TMEM71: variants seen among roughly 807,000 people sequenced by gnomAD.
The protein encoded by TMEM71 is transmembrane protein 71.
In TMEM71, 44 loss-of-function variants were observed where a neutral mutation model predicts 38.0. The observed-to-expected ratio is 1.16, with a 90% CI of 0.91 to 1.49. The LOEUF is 1.49. Ranked by LOEUF, TMEM71 falls within the 40% of genes most tolerant of loss-of-function variation. The pLI, the probability that TMEM71 is intolerant of heterozygous loss-of-function variation, is 0.00. For synonymous variants in TMEM71, 133 were observed against 122.5 expected, an observed-to-expected ratio of 1.09 and a Z score of -0.56; for missense variants, 367 against 348.6, an observed-to-expected ratio of 1.05 and a Z score of -0.42.
intron 9 of TMEM71, among the ~76,000 whole-genome samples, chr8:132,713,434 C>T (rs1266032181): frequency 6.6e-6 from 1 of 152,116 alleles, no homozygotes; most frequent in Admixed American, 6.5e-5. Context: ...GTGAGTTTGC[C>T]TCTGGCAGCC....
In TMEM71 at chr8:132,741,540, G is replaced by T. The variant is rs933287847; in HGVS notation, c.487+5402C>A. Among the ~76,000 whole-genome samples the T allele has an allele frequency of 9.3e-5, 14 of 150,460 alleles. 1 individual carries two copies. Among genetic ancestry groups the T allele is most frequent in the Admixed American group, 8.0e-4 (12 of 15,062 alleles). On this transcript the variant is annotated intron_variant, in intron 5 of 9. Transcript: ENST00000677595. ...AGAGTGTGAGTCATCTCCAATGATAGGTAAGGTCACGTGGGTCACGTGTCC... is the reference window on the plus strand; with the variant it reads ...AGAGTGTGAGTCATCTCCAATGATATGTAAGGTCACGTGGGTCACGTGTCC...
intron 7 of TMEM71, among the ~76,000 whole-genome samples, chr8:132,714,994 A>T (rs184899747): frequency 3.3e-5 from 5 of 152,180 alleles, no homozygotes; most frequent in African/African-American, 9.6e-5. Context: ...CAGTAATGCA[A>T]ATTAAAACAG....
At chr8:132,763,099 A>C (rs919312219), upstream of TMEM71, among the ~76,000 whole-genome samples, 6 of 152,128 alleles carry the variant, frequency 3.9e-5, no homozygotes, top group Non-Finnish European at 5.9e-5. Context: ...CCTAAGGGTC[A>C]CAGGGCTTTC....
At chr8:132,748,006 G>A (rs1338252165) in intron 4 of TMEM71, among the ~76,000 whole-genome samples, 1 of 152,186 alleles carries the variant, frequency 6.6e-6, no homozygotes, top group Non-Finnish European at 1.5e-5. Context: ...GTTAATCGAA[G>A]TGCACAGGGG....
chr8:132,760,728 G>T (rs1829275943), upstream of TMEM71: 1 of 152,264 alleles, frequency 6.6e-6, no homozygotes, highest in Non-Finnish European at 1.5e-5. Flanking sequence ...GTGTGCTGAA[G>T]ATTTCAGAGA....
chr8:132,758,791 G>A, intron 2 of TMEM71, 49 bp downstream of exon 2: 2 of 1,537,826 alleles, frequency 1.3e-6, no homozygotes, highest in Non-Finnish European at 9.0e-7. Context: ...GCTAAAAGGA[G>A]TCTAATCGTT....
chr8:132,714,657 G>A (rs1415203814), intron 7 of TMEM71, among the ~76,000 whole-genome samples: 2 of 152,132 alleles, frequency 1.3e-5, no homozygotes, highest in Non-Finnish European at 2.9e-5. Context: ...TTGGCAATGA[G>A]TTTTAAAATG....
Position 132,750,465 on chromosome 8 carries a change from G to A in TMEM71, c.314+1320C>T, listed in dbSNP as rs181467039. ...TCTCTTGCATTTATGTAATTACAAT[G>A]GAAAGAACATTTTTCTGTAGTCCAA... On this transcript the variant is annotated intron_variant, in intron 4 of 9. Coordinates refer to ENST00000677595, the MANE Select transcript of TMEM71 (RefSeq NM_001382403.1). Among the ~76,000 whole-genome samples the A allele has an allele frequency of 7.8e-3, 1,180 of 152,154 alleles. 16 individuals are homozygous for A. Among genetic ancestry groups the A allele is most frequent in the African/African-American group, 0.026 (1,061 of 41,494 alleles).
intron 7 of TMEM71, among the ~76,000 whole-genome samples, chr8:132,720,554 A>G (rs1274222951): frequency 1.3e-5 from 2 of 152,182 alleles, no homozygotes; most frequent in Non-Finnish European, 2.9e-5. Context: ...CGACACACAC[A>G]CACTCCACTT....
At chr8:132,739,092 G>A (rs1463937064) in intron 5 of TMEM71, among the ~76,000 whole-genome samples, 5 of 152,144 alleles carry the variant, frequency 3.3e-5, no homozygotes, top group Non-Finnish European at 7.4e-5. Context: ...TTCTGTCTAG[G>A]AAGCAGATTA....
chr8:132,741,981 C>T (rs1828067603), intron 5 of TMEM71, among the ~76,000 whole-genome samples: 1 of 152,254 alleles, frequency 6.6e-6, no homozygotes, highest in Non-Finnish European at 1.5e-5. Context: ...TTCCCAGACG[C>T]TGGCGTCACC....
intron 5 of TMEM71, among the ~76,000 whole-genome samples, chr8:132,738,329 A>G (rs1827856970): frequency 6.6e-6 from 1 of 152,150 alleles, no homozygotes; most frequent in Admixed American, 6.5e-5. Context: ...GACTTGCAGA[A>G]TTTTTTATGC....
chr8:132,753,772 AT>A (rs1427974352), intron 3 of TMEM71, among the ~76,000 whole-genome samples: 1 of 152,202 alleles, frequency 6.6e-6, no homozygotes, highest in Non-Finnish European at 1.5e-5. Context: ...CGAGAAAAAA[AT>A]CTCCATTATC....
intron 3 of TMEM71, among the ~76,000 whole-genome samples, chr8:132,755,233 C>T (rs1828938468): frequency 6.6e-6 from 1 of 152,138 alleles, no homozygotes; most frequent in Non-Finnish European, 1.5e-5. Context: ...AATGCCCCTA[C>T]CTTTATCTAT....
upstream of TMEM71, among the ~76,000 whole-genome samples, chr8:132,761,470 C>T (rs923040761): frequency 5.3e-5 from 8 of 152,338 alleles, no homozygotes; most frequent in Middle Eastern, 3.4e-3. Flanking sequence ...ATCAAGTTCT[C>T]TTCTGAGGCA....
chr8:132,757,138 C>A, intron 3 of TMEM71, 96 bp downstream of exon 3: 1 of 738,826 alleles, frequency 1.4e-6, no homozygotes, highest in South Asian at 1.5e-5. Flanking sequence ...CCTCGTGATC[C>A]GCCTGCCTCG....
intron 4 of TMEM71, 96 bp downstream of exon 4, chr8:132,751,689 C>G (rs1180886022): frequency 1.7e-6 from 2 of 1,196,262 alleles, no homozygotes; most frequent in African/African-American, 1.5e-5. Flanking sequence ...CAATAATGGG[C>G]TCCTTATAAA....
At chr8:132,744,690 A>T (rs2467968) in intron 5 of TMEM71, among the ~76,000 whole-genome samples, 1 of 152,198 alleles carries the variant, frequency 6.6e-6, no homozygotes, top group East Asian at 1.9e-4. Context: ...TTTAAATTTC[A>T]TGTGGTACCA....
Position 132,751,907 on chromosome 8 carries a change from A to C in TMEM71, c.192T>G (p.Ser64Arg), listed in dbSNP as rs1317499783. The change falls in exon 4 of 10, where the codon AGT becomes AGG. Residue 64 changes from serine (S) to arginine (R), a missense_variant. By Grantham distance (110) the Ser-to-Arg change is moderately radical (BLOSUM62 -1). Coordinates refer to ENST00000677595, the MANE Select transcript of TMEM71 (RefSeq NM_001382403.1). ...AGTAGCCATTGGTGAGGAGTCTGGG[A>C]CTTCGGCGACAGGTATAGTGGGAGC... is the stretch of plus-strand genomic sequence containing the variant. The part of the protein sequence containing the change: ...LTGSHYTCRR[S>R]PRLLTNGYYI... 2 of 1,613,950 alleles carry C rather than the reference A, an allele frequency of 1.2e-6. No individual in the cohort carries two copies. Among genetic ancestry groups the C allele is most frequent in the Non-Finnish European group, 1.7e-6 (2 of 1,180,050 alleles).
Sources: allele counts gnomAD v4.1 joint callset (sites outside exome capture counted in the v4.1 genomes callset), GRCh38; gene constraint gnomAD v4.1.1; transcripts MANE v1.5; gene names NCBI Gene and HGNC (gene_info 2026-07-23, HGNC 2026-07-21).